The following PGGT1B variants were observed in gnomAD, a reference collection of about 807,000 sequenced individuals.
PGGT1B encodes geranylgeranyl transferase type-1 subunit beta.
In PGGT1B, 30 loss-of-function variants were observed where a neutral mutation model predicts 46.1. That is an observed-to-expected ratio of 0.65 (90% CI 0.49 to 0.88). PGGT1B has a LOEUF of 0.88. PGGT1B is among the 40% of genes least tolerant of loss of function. The pLI is 0.00. For missense variants in PGGT1B, 376 were observed against 455.9 expected (o/e 0.82, Z 1.60); for synonymous variants, 170 against 160.0 (o/e 1.06, Z -0.47).
intron 6 of PGGT1B, among the ~76,000 whole-genome samples, chr5:115,223,581 T>A (rs556302978): frequency 6.6e-6 from 1 of 152,186 alleles, no homozygotes; most frequent in Non-Finnish European, 1.5e-5. Flanking sequence ...GAGCCGGCCC[T>A]GCTGACATCT....
At chr5:115,216,435 C>T (rs1232553751) in intron 8 of PGGT1B, among the ~76,000 whole-genome samples, 5 of 152,116 alleles carry the variant, frequency 3.3e-5, no homozygotes, top group Non-Finnish European at 5.9e-5. Flanking sequence ...CCACTGTGCC[C>T]GGCCTATTTA....
At chr5:115,218,672 T>C (rs927637963) in intron 7 of PGGT1B, among the ~76,000 whole-genome samples, 1 of 151,674 alleles carries the variant, frequency 6.6e-6, no homozygotes, top group Middle Eastern at 3.4e-3. Flanking sequence ...TAAAAAACAA[T>C]GCTAGTTAAT....
rs35711954 is a variant in PGGT1B, at chr5:115,238,291, ATTTTTTTTTTT to A, written c.328-293_328-283del. Among the ~76,000 whole-genome samples the A allele has an allele frequency of 6.4e-4, 30 of 46,968 alleles. 1 individual carries two copies. The highest frequency in any genetic ancestry group is 1.7e-3 in the African/African-American group (22 of 12,890). The allele number at this position is 46,968 out of a possible 152,430, so 30.8% of individuals were successfully genotyped here. ...AATTATGTATTACTTATTTTTTTGG[ATTTTTTTTTTT>A]TTTTTTTTTTTTTTTTTTTAGTAAC... On this transcript the variant is annotated intron_variant, in intron 3 of 8. Coordinates refer to ENST00000419445, the MANE Select transcript of PGGT1B (RefSeq NM_005023.4).
chr5:115,222,648 T>TGTACA, intron 6 of PGGT1B, among the ~76,000 whole-genome samples: 1 of 152,306 alleles, frequency 6.6e-6, no homozygotes, highest in Non-Finnish European at 1.5e-5. Flanking sequence ...GGATTATAAA[T>TGTACA]CATGCTGCTA....
Position 115,255,347 on chromosome 5 carries a change from T to C in PGGT1B, c.141-2092A>G, listed in dbSNP as rs541462576. 3.9e-5 allele frequency among the ~76,000 whole-genome samples: 6 copies of C among 152,232 alleles called. No homozygotes were observed. The South Asian group carries it at 1.2e-3, about 32-fold the overall frequency. ...ACATAATAGCAACAAAGTGTGAAAA[T>C]CACTGCCCTTGGTGGTAATTATGTC... On this transcript the variant is annotated intron_variant, in intron 1 of 8. Coordinates refer to ENST00000419445, the MANE Select transcript of PGGT1B (RefSeq NM_005023.4).
chr5:115,253,102 T>A (rs374361711), intron 2 of PGGT1B, 35 bp downstream of exon 2: 78 of 1,587,986 alleles, frequency 4.9e-5, no homozygotes, highest in Non-Finnish European at 6.4e-5. Flanking sequence ...GTACAACCAG[T>A]CACACTAAAA....
In PGGT1B at chr5:115,204,635, CTTG is replaced by C. The variant is rs987719510; in HGVS notation, c.*7764_*7766del. 6.6e-6 allele frequency: 1 copy of C among 152,116 alleles called. No individual in the cohort carries two copies. Among genetic ancestry groups the C allele is most frequent in the South Asian group, 2.1e-4 (1 of 4,820 alleles). The allele number at this position is 152,116 out of a possible 1,614,324, so 9.4% of individuals were successfully genotyped here. A position where few individuals can be genotyped will look rare whatever the true frequency, so the allele number is the denominator to read the frequency against. ...TATGAGGAAACAGGCACTCTCATAC[CTTG>C]TTGTTGAGTTTATGAATGGCTACAC... is the stretch of plus-strand genomic sequence containing the variant. On this transcript the variant is annotated 3_prime_UTR_variant, in exon 9 of 9. Transcript: ENST00000419445.
intron 2 of PGGT1B, among the ~76,000 whole-genome samples, chr5:115,242,937 A>G (rs559906596): frequency 6.6e-6 from 1 of 151,822 alleles, no homozygotes; most frequent in African/African-American, 2.4e-5. Flanking sequence ...ACTGCACTCC[A>G]GCCTGGGCGA....
In PGGT1B at chr5:115,239,924, A is replaced by G. The variant is rs533852475; in HGVS notation, c.327+1615T>C. On this transcript the variant is annotated intron_variant, in intron 3 of 8. Coordinates refer to ENST00000419445, the MANE Select transcript of PGGT1B (RefSeq NM_005023.4). ...GTCCCAAGCATTTATCAGGTAAGTCAGTGAATGGTCCATAGGTAGTTTGGT... is the reference window on the plus strand; with the variant it reads ...GTCCCAAGCATTTATCAGGTAAGTCGGTGAATGGTCCATAGGTAGTTTGGT... 5.8e-4 allele frequency among the ~76,000 whole-genome samples: 89 copies of G among 152,354 alleles called. No individual in the cohort carries two copies. In the South Asian group the frequency reaches 0.018, roughly 31 times the overall value.
intron 5 of PGGT1B, among the ~76,000 whole-genome samples, chr5:115,234,624 A>T (rs1157361102): frequency 2.0e-5 from 3 of 152,084 alleles, no homozygotes; most frequent in African/African-American, 7.2e-5. Context: ...GGGGGGAAAT[A>T]AAATAAGTAA....
rs1365146317 is a variant in PGGT1B, at chr5:115,211,810, CTATT to C, written c.*588_*591del. ...TAGAAAACTATCACATTAGTTAAAC[CTATT>C]TATTCTTACTATGAAGTTATTAACT... On this transcript the variant is annotated 3_prime_UTR_variant, in exon 9 of 9. Coordinates refer to ENST00000419445, the MANE Select transcript of PGGT1B (RefSeq NM_005023.4). 1 of 152,338 alleles carries C rather than the reference CTATT, an allele frequency of 6.6e-6. No homozygotes were observed. Among genetic ancestry groups the C allele is most frequent in the East Asian group, 1.9e-4 (1 of 5,186 alleles). 9.4% of individuals were successfully genotyped at this position (152,338 alleles called of 1,614,324 possible). A position where few individuals can be genotyped will look rare whatever the true frequency, so the allele number is the denominator to read the frequency against.
chr5:115,221,776 T>C, intron 7 of PGGT1B, 48 bp downstream of exon 7: 3 of 1,182,420 alleles, frequency 2.5e-6, no homozygotes, highest in African/African-American at 1.6e-5. Flanking sequence ...TAGCACAATC[T>C]ATATGAACAC....
At chr5:115,230,926 G>C (rs755539625) in intron 6 of PGGT1B, 50 bp downstream of exon 6, 1 of 1,135,352 alleles carries the variant, frequency 8.8e-7, no homozygotes, top group Non-Finnish European at 1.3e-6. Context: ...CCAAGATGTT[G>C]TCTAAGGGAA....
chr5:115,229,235 G>A lies in PGGT1B; in HGVS notation c.658+1741C>T, dbSNP rs542792013. The stretch of plus-strand genomic sequence containing the variant: ...AATACTGAGGAAGATGCTCCTGGCC[G>A]GAGACAACCTTACCAGGGACTCCAG... On this transcript the variant is annotated intron_variant, in intron 6 of 8. Transcript: ENST00000419445. Among the ~76,000 whole-genome samples, 3 of 152,198 alleles carry A rather than the reference G, an allele frequency of 2.0e-5. No individual in the cohort carries two copies. The East Asian group carries it at 5.8e-4, about 29-fold the overall frequency.
chr5:115,234,469 T>A (rs932591314), intron 5 of PGGT1B, among the ~76,000 whole-genome samples: 44 of 151,980 alleles, frequency 2.9e-4, no homozygotes, highest in African/African-American at 1.0e-3. Context: ...AAGAACCAAA[T>A]TAGTTTTTCA....
At chr5:115,256,465 T>C (rs1052660758) in intron 1 of PGGT1B, among the ~76,000 whole-genome samples, 2 of 152,200 alleles carry the variant, frequency 1.3e-5, no homozygotes, top group Admixed American at 6.5e-5. Flanking sequence ...TATTAAGGGC[T>C]CCTGAAAGTC....
intron 2 of PGGT1B, among the ~76,000 whole-genome samples, chr5:115,246,724 G>C (rs1057290270): frequency 6.6e-6 from 1 of 152,146 alleles, no homozygotes; most frequent in African/African-American, 2.4e-5. Flanking sequence ...CATGAGGATA[G>C]GGCCTGGAAA....
intron 6 of PGGT1B, among the ~76,000 whole-genome samples, chr5:115,227,797 A>G (rs759970865): frequency 1.6e-4 from 25 of 152,180 alleles, no homozygotes; most frequent in Non-Finnish European, 3.4e-4. Flanking sequence ...TAAGACAAAA[A>G]TGTCTATTCT....
intron 2 of PGGT1B, among the ~76,000 whole-genome samples, chr5:115,243,515 AAAC>A (rs1757413841): frequency 6.6e-6 from 1 of 152,214 alleles, no homozygotes; most frequent in African/African-American, 2.4e-5. Flanking sequence ...GGAAGGGAAT[AAAC>A]AAAATAATAT....
Sources: allele counts gnomAD v4.1 joint callset (sites outside exome capture counted in the v4.1 genomes callset), GRCh38; gene constraint gnomAD v4.1.1; transcripts MANE v1.5; gene names NCBI Gene and HGNC (gene_info 2026-07-23, HGNC 2026-07-21).